NMNAT1: variants seen among roughly 807,000 people sequenced by gnomAD.
NMNAT1 encodes nicotinamide nucleotide adenylyltransferase 1.
A neutral mutation model predicts 16.7 loss-of-function variants in NMNAT1; 11 were observed. The observed-to-expected ratio is 0.66, with a 90% confidence interval of 0.41 to 1.09. NMNAT1 has a LOEUF of 1.09. Ranked by LOEUF, NMNAT1 falls within the 50% of genes least tolerant of loss-of-function variation. The probability of loss-of-function intolerance (pLI) is 0.00; values close to 1 mark genes in which losing one functional copy is unlikely to be tolerated. For missense variants in NMNAT1, 280 were observed against 332.3 expected (o/e 0.84, Z 1.22); for synonymous variants, 110 against 119.8 (o/e 0.92, Z 0.53).
intron 2 of NMNAT1, 26 bp from the exon 3 acceptor site, chr1:9,975,566 A>T: frequency 1.9e-6 from 3 of 1,544,484 alleles, no homozygotes; most frequent in Non-Finnish European, 2.6e-6. Flanking sequence ...TGTTATACCT[A>T]GTGTGAAACC....
At chr1:9,959,388 A>C (rs1182456363) in intron 1 of NMNAT1, among the ~76,000 whole-genome samples, 1 of 151,362 alleles carries the variant, frequency 6.6e-6, no homozygotes. Flanking sequence ...AAAAAAAAAA[A>C]AAAAAAAAAA....
At chr1:9,960,400 G>A (rs1023654792) in intron 1 of NMNAT1, among the ~76,000 whole-genome samples, 1 of 152,088 alleles carries the variant, frequency 6.6e-6, no homozygotes, top group South Asian at 2.1e-4. Context: ...GGTGGCTCAT[G>A]CCTCTAATCC....
rs374109763 is a variant in NMNAT1 at position 9,972,037 on chromosome 1, A to G, written c.-37A>G. On this transcript the variant is annotated 5_prime_UTR_variant, in exon 2 of 5. Transcript: ENST00000377205. Reference sequence around the variant, plus strand: ...TTGTAGACAACAAGGGAGGTGTCACAGTTTTCCATTTAGATCAACAACTTC... The same window carrying G: ...TTGTAGACAACAAGGGAGGTGTCACGGTTTTCCATTTAGATCAACAACTTC... 6.3e-5 allele frequency: 66 copies of G among 1,047,668 alleles called. No homozygotes were observed. Among genetic ancestry groups the G allele is most frequent in the Non-Finnish European group, 8.5e-5 (57 of 666,800 alleles). 64.9% of individuals were successfully genotyped at this position (1,047,668 alleles called of 1,614,324 possible).
intron 1 of NMNAT1, among the ~76,000 whole-genome samples, chr1:9,952,067 G>A (rs1330810166): frequency 6.6e-6 from 1 of 152,078 alleles, no homozygotes; most frequent in Non-Finnish European, 1.5e-5. Flanking sequence ...GGGAGGCCGA[G>A]GTGGGTGGAT....
At chr1:9,989,252 G>A (rs530823647), downstream of NMNAT1, among the ~76,000 whole-genome samples, 1 of 152,210 alleles carries the variant, frequency 6.6e-6, no homozygotes, top group East Asian at 1.9e-4. Context: ...GAGGTCAGGA[G>A]TTCAAGACCA....
intron 1 of NMNAT1, among the ~76,000 whole-genome samples, chr1:9,971,582 G>T (rs1641688981): frequency 6.6e-6 from 1 of 152,034 alleles, no homozygotes; most frequent in Non-Finnish European, 1.5e-5. Context: ...AAAGTGCTGG[G>T]ATTACATGTG....
intron 1 of NMNAT1, among the ~76,000 whole-genome samples, chr1:9,971,264 G>C (rs1378282057): frequency 6.6e-6 from 1 of 152,144 alleles, no homozygotes. Flanking sequence ...CATTGAAAAG[G>C]AGGGATGGAG....
chr1:9,967,643 A>G (rs1285503983), intron 1 of NMNAT1, among the ~76,000 whole-genome samples: 3 of 151,994 alleles, frequency 2.0e-5, no homozygotes, highest in Non-Finnish European at 4.4e-5. Context: ...TGTAAATTAA[A>G]CCATTTGAAA....
intron 1 of NMNAT1, among the ~76,000 whole-genome samples, chr1:9,957,520 A>G (rs756466558): frequency 8.6e-5 from 13 of 151,042 alleles, no homozygotes; most frequent in Non-Finnish European, 1.5e-4. Context: ...GTCTCGAACT[A>G]TTGACCTCGT....
chr1:9,958,620 A>G (rs1641327188), intron 1 of NMNAT1, among the ~76,000 whole-genome samples: 1 of 151,842 alleles, frequency 6.6e-6, no homozygotes, highest in South Asian at 2.1e-4. Context: ...TTGTATTTTT[A>G]GTAGAGATGG....
chr1:9,989,830 G>A (rs1642088457), downstream of NMNAT1, among the ~76,000 whole-genome samples: 1 of 152,186 alleles, frequency 6.6e-6, no homozygotes, highest in African/African-American at 2.4e-5. Context: ...GCTGTCCACA[G>A]CAAAGCTAAA....
chr1:9,995,251 TAGTC>T, the NMNAT1 span, among the ~76,000 whole-genome samples: 1 of 151,982 alleles, frequency 6.6e-6, no homozygotes, highest in Non-Finnish European at 1.5e-5. Context: ...TTAAAAAAAT[TAGTC>T]AGGCATGGTG....
chr1:9,989,985 G>A (rs189937976), downstream of NMNAT1, among the ~76,000 whole-genome samples: 4 of 152,302 alleles, frequency 2.6e-5, no homozygotes, highest in Non-Finnish European at 4.4e-5. Context: ...TGCATGCTCC[G>A]CCTCCCATAA....
chr1:9,993,996 T>C, the NMNAT1 span, among the ~76,000 whole-genome samples: 1 of 152,022 alleles, frequency 6.6e-6, no homozygotes, highest in African/African-American at 2.4e-5. Context: ...TTAACCTCTC[T>C]ATGCCTCAGT....
At chr1:9,965,110 A>G (rs1036990144) in intron 1 of NMNAT1, among the ~76,000 whole-genome samples, 2 of 151,822 alleles carry the variant, frequency 1.3e-5, no homozygotes, top group Admixed American at 1.3e-4. Context: ...CCAGGTCAAG[A>G]GATCAAGACC....
the NMNAT1 span, among the ~76,000 whole-genome samples, chr1:9,993,783 C>A: frequency 6.6e-6 from 1 of 152,050 alleles, no homozygotes; most frequent in Admixed American, 6.6e-5. Flanking sequence ...CATCCAGGGG[C>A]CTAATGGAAT....
At chr1:9,974,350 T>C (rs1641759145) in intron 2 of NMNAT1, among the ~76,000 whole-genome samples, 1 of 151,314 alleles carries the variant, frequency 6.6e-6, no homozygotes, top group Non-Finnish European at 1.5e-5. Context: ...CTCAGGCTCC[T>C]GAGTAGCTGT....
At chr1:9,963,856 A>G (rs934708440) in intron 1 of NMNAT1, among the ~76,000 whole-genome samples, 28 of 152,098 alleles carry the variant, frequency 1.8e-4, no homozygotes, top group African/African-American at 6.5e-4. Flanking sequence ...ATTTTTTTGC[A>G]GTGAGAATCA....
At chr1:9,946,880 A>C (rs1640992980) in intron 1 of NMNAT1, among the ~76,000 whole-genome samples, 1 of 152,146 alleles carries the variant, frequency 6.6e-6, no homozygotes, top group African/African-American at 2.4e-5. Flanking sequence ...ACCAGAGACC[A>C]AATTGGCCAA....
Sources: gnomAD v4.1 joint callset for allele counts (sites outside exome capture counted in the v4.1 genomes callset) on GRCh38, gnomAD v4.1.1 for gene constraint, MANE v1.5 for transcripts, NCBI Gene and HGNC (gene_info 2026-07-23, HGNC 2026-07-21) for gene names.